The following GSPT1 variants were observed in gnomAD, a reference collection of about 807,000 sequenced individuals.
GSPT1 encodes G1 to S phase transition 1.
In GSPT1, 20 loss-of-function variants were observed where a neutral mutation model predicts 72.5. The observed-to-expected ratio is 0.28, with a 90% CI of 0.19 to 0.40. The LOEUF is 0.40. GSPT1 is among the 10% of genes least tolerant of loss of function. The pLI is 1.00. For synonymous variants in GSPT1, 334 were observed against 293.5 expected (o/e 1.14, Z -1.41); for missense variants, 580 against 811.9 (o/e 0.71, Z 3.47).
chr16:11,915,419 C>CCG lies in GSPT1; in HGVS notation c.301_302insCG (p.Gly101AlafsTer47). Reference sequence around the variant, plus strand: ...GGCTCCGTGGTTATTGGCGGCGCCGCCAACTGGGGGTGGCGGCGCTGCCGG... The same window carrying CCG: ...GGCTCCGTGGTTATTGGCGGCGCCGCCGCAACTGGGGGTGGCGGCGCTGCCGG... On this transcript the variant is annotated frameshift_variant, in exon 1 of 15. Transcript: ENST00000434724. LOFTEE classifies it high-confidence loss of function. The CCG allele has an allele frequency of 6.6e-7, 1 of 1,508,556 alleles. No individual in the cohort carries two copies. The highest frequency in any genetic ancestry group is 8.8e-7 in the Non-Finnish European group (1 of 1,133,082). The allele number at this position is 1,508,556 out of a possible 1,614,324, so 93.4% of individuals were successfully genotyped here.
intron 1 of GSPT1, among the ~76,000 whole-genome samples, chr16:11,914,700 C>T (rs1188330002): frequency 6.6e-6 from 1 of 152,192 alleles, no homozygotes; most frequent in Non-Finnish European, 1.5e-5. Flanking sequence ...TCCTATCACA[C>T]ATTAAGTGAG....
intron 10 of GSPT1, among the ~76,000 whole-genome samples, chr16:11,883,459 CA>C (rs66922380): frequency 4.5e-5 from 3 of 66,466 alleles, no homozygotes; most frequent in African/African-American, 1.1e-4. Flanking sequence ...ACTAAAAATA[CA>C]AAAAAAAAAA....
rs57546698 is a variant in GSPT1, at chr16:11,892,829, CAAAAAAAAAAAAAA to C, written c.699-1704_699-1691del. ...AGCCTGGGCGATAGAGATTCTGTCT[CAAAAAAAAAAAAAA>C]AAAAAAAAAAAAGAAAAGAAAAGGG... is the stretch of plus-strand genomic sequence containing the variant. On this transcript the variant is annotated intron_variant, in intron 5 of 14. Transcript: ENST00000434724. Among the ~76,000 whole-genome samples, 33 of 31,222 alleles carry C rather than the reference CAAAAAAAAAAAAAA, an allele frequency of 1.1e-3. No individual in the cohort carries two copies. In the Admixed American group the frequency reaches 0.017, roughly 16 times the overall value. 20.5% of individuals were successfully genotyped at this position (31,222 alleles called of 152,430 possible).
chr16:11,902,796 A>G (rs1258245964), intron 1 of GSPT1, among the ~76,000 whole-genome samples: 2 of 152,038 alleles, frequency 1.3e-5, no homozygotes, highest in Non-Finnish European at 2.9e-5. Context: ...CGATGTTGCC[A>G]GGCTGGTCTC....
At chr16:11,900,743 C>G (rs2054395692) in intron 1 of GSPT1, among the ~76,000 whole-genome samples, 1 of 152,108 alleles carries the variant, frequency 6.6e-6, no homozygotes, top group African/African-American at 2.4e-5. Flanking sequence ...CCTCACCACT[C>G]TCAAGTGTAT....
chr16:11,889,970 T>C (rs1221640940), intron 6 of GSPT1, among the ~76,000 whole-genome samples: 2 of 150,850 alleles, frequency 1.3e-5, no homozygotes, highest in African/African-American at 4.9e-5. Flanking sequence ...TTTTTCTTTT[T>C]TTTTTTTTGA....
intron 1 of GSPT1, among the ~76,000 whole-genome samples, chr16:11,903,391 C>G (rs2054441703): frequency 6.6e-6 from 1 of 152,098 alleles, no homozygotes. Flanking sequence ...TGCCTATAAT[C>G]CCAGATACTC....
At chr16:11,875,610 T>C in intron 14 of GSPT1, 151 bp downstream of exon 14, 2 of 560,520 alleles carry the variant, frequency 3.6e-6, no homozygotes, top group South Asian at 2.8e-5. Context: ...TTCTGTTCAA[T>C]ACATTCAACT....
Position 11,886,541 on chromosome 16 carries a change from G to T in GSPT1, c.1183C>A (p.His395Asn), listed in dbSNP as rs780301143. 4 of 1,611,970 alleles carry T rather than the reference G, an allele frequency of 2.5e-6. No individual in the cohort carries two copies. In the African/African-American group the frequency reaches 4.0e-5, roughly 16 times the overall value. Residue 395 changes from histidine to asparagine, a missense_variant, in exon 9 of 15, where the codon CAC becomes AAC. Around this residue, in one of 6 missense-constraint regions of GSPT1, gnomAD observed 34 missense variants for 62.0 expected, o/e 0.55. Coordinates refer to ENST00000434724, the MANE Select transcript of GSPT1 (RefSeq NM_002094.4). ...KVGFNPKKDI[H>N]FMPCSGLTGA... Reference sequence around the variant, plus strand: ...GTAAGTCCTGAGCAGGGCATAAAGTGAATGTCCTTTTTGGGATTGAAGCCA... The same window carrying T: ...GTAAGTCCTGAGCAGGGCATAAAGTTAATGTCCTTTTTGGGATTGAAGCCA...
At chr16:11,910,681 A>G (rs1407043486) in intron 1 of GSPT1, among the ~76,000 whole-genome samples, 1 of 152,210 alleles carries the variant, frequency 6.6e-6, no homozygotes, top group African/African-American at 2.4e-5. Flanking sequence ...CAAGGCTTAA[A>G]CTTTGTCGTC....
chr16:11,873,675 CCTT>C (rs1159688948), intron 14 of GSPT1, among the ~76,000 whole-genome samples: 1 of 152,126 alleles, frequency 6.6e-6, no homozygotes. Flanking sequence ...GCAACCTCCT[CCTT>C]CTGGGTTCAA....
rs780864007 is a variant in GSPT1, at chr16:11,915,924, G to GGCA, written c.-207_-205dup. On this transcript the variant is annotated 5_prime_UTR_variant, in exon 1 of 15. Transcript: ENST00000434724. ...CGACGACGACAGAGGCGGCGGCGGC[G>GGCA]GCAGCTCAACCCTCCTCCTCGTGTG... 23 of 782,912 alleles carry GGCA rather than the reference G, an allele frequency of 2.9e-5. No individual in the cohort carries two copies. The highest frequency in any genetic ancestry group is 3.8e-5 in the Non-Finnish European group (17 of 442,666). The allele number at this position is 782,912 out of a possible 1,614,324, so 48.5% of individuals were successfully genotyped here.
chr16:11,886,953 G>A (rs768320626), intron 7 of GSPT1, 22 bp from the exon 8 acceptor site: 1 of 1,599,096 alleles, frequency 6.3e-7, no homozygotes, highest in Non-Finnish European at 8.5e-7. Context: ...AAAGGAAACA[G>A]TTTACTCCTT....
intron 11 of GSPT1, among the ~76,000 whole-genome samples, chr16:11,879,466 G>A (rs955365544): frequency 6.6e-5 from 10 of 151,198 alleles, no homozygotes; most frequent in Non-Finnish European, 1.3e-4. Flanking sequence ...TGGGCGCAGT[G>A]GCTCACGCCT....
At chr16:11,886,433 C>T in intron 9 of GSPT1, 38 bp downstream of exon 9, 2 of 1,448,476 alleles carry the variant, frequency 1.4e-6, no homozygotes, top group Non-Finnish European at 1.9e-6. Context: ...TAATAACATC[C>T]TTTTCCTTTT....
chr16:11,895,100 G>A, intron 4 of GSPT1, 113 bp from the exon 5 acceptor site: 6 of 698,826 alleles, frequency 8.6e-6, no homozygotes, highest in Admixed American at 4.5e-5. Context: ...ATGAATTTGG[G>A]GCATAAATCC....
At chr16:11,894,837 T>C in intron 5 of GSPT1, 117 bp downstream of exon 5, 1 of 640,648 alleles carries the variant, frequency 1.6e-6, no homozygotes. Flanking sequence ...ATTTTATTTT[T>C]AATTTTTCTT....
chr16:11,876,617 G>A (rs1479807281), intron 12 of GSPT1, among the ~76,000 whole-genome samples: 2 of 152,018 alleles, frequency 1.3e-5, no homozygotes, highest in African/African-American at 2.4e-5. Flanking sequence ...GGTGGTGGGC[G>A]CCTAAATCCC....
chr16:11,911,171 C>A (rs994962485), intron 1 of GSPT1, among the ~76,000 whole-genome samples: 3 of 152,194 alleles, frequency 2.0e-5, no homozygotes, highest in Non-Finnish European at 2.9e-5. Context: ...TATTATCTAC[C>A]TCAACAGATA....
Sources: allele counts gnomAD v4.1 joint callset (sites outside exome capture counted in the v4.1 genomes callset), GRCh38; gene constraint gnomAD v4.1.1; regional missense constraint gnomAD v4.1.1; transcripts MANE v1.5; gene names NCBI Gene and HGNC (gene_info 2026-07-23, HGNC 2026-07-21).